PDCD6IP: variants seen among roughly 807,000 people sequenced by gnomAD.
The protein encoded by PDCD6IP is programmed cell death 6-interacting protein.
PDCD6IP carries 43 observed loss-of-function variants against 103.7 expected under a neutral mutation model. The observed-to-expected ratio is 0.41, with a 90% CI of 0.32 to 0.53. PDCD6IP has a LOEUF of 0.53. Among genes scored for constraint, PDCD6IP ranks in the 20% least tolerant of loss-of-function variants. The pLI is 0.16. For synonymous variants in PDCD6IP, 354 were observed against 378.7 expected (o/e 0.93, Z 0.76); for missense variants, 871 against 1,036.7 (o/e 0.84, Z 2.20).
Position 33,798,766 on chromosome 3 carries a change from C to T in PDCD6IP, c.38C>T (p.Ser13Leu). Residue 13 changes from serine (S) to leucine (L), a missense_variant, in exon 1 of 18, where the codon TCA becomes TTA. Transcript: ENST00000307296. ...ATCTCGGTGCAGCTGAAAAAGACCT[C>T]AGAGGTGGACCTGGCCAAGCCGCTG... ...TFISVQLKKT[S>L]EVDLAKPLVK... 6.3e-7 allele frequency: 1 copy of T among 1,575,132 alleles called. No individual in the cohort carries two copies. Among genetic ancestry groups the T allele is most frequent in the Non-Finnish European group, 8.6e-7 (1 of 1,161,180 alleles).
chr3:33,803,179 A>C lies in PDCD6IP; in HGVS notation c.209+4242A>C, dbSNP rs141430341. ...GGGGAGCAAAGAAGGATGTTTATTC[A>C]GATTTATTTGTTTAACTGTAAGAGG... On this transcript the variant is annotated intron_variant, in intron 1 of 17. Coordinates refer to ENST00000307296, the MANE Select transcript of PDCD6IP (RefSeq NM_013374.6). Among the ~76,000 whole-genome samples, 11 of 152,200 alleles carry C rather than the reference A, an allele frequency of 7.2e-5. No homozygotes were observed. In the East Asian group the frequency reaches 2.1e-3, roughly 29 times the overall value.
At chr3:33,801,094 T>C (rs975687957) in intron 1 of PDCD6IP, among the ~76,000 whole-genome samples, 8 of 152,174 alleles carry the variant, frequency 5.3e-5, no homozygotes, top group Admixed American at 3.9e-4. Context: ...GTATTTTCAC[T>C]TTTTGGGCTT....
chr3:33,844,209 A>G lies in PDCD6IP; in HGVS notation c.1457A>G (p.Lys486Arg). ...WQRTPSNELY[K>R]PLRAEGTNFR... ...AGGACACCATCCAATGAACTGTATAAGCCTTTAAGAGCAGGTAAAAATGTG... is the reference window on the plus strand; with the variant it reads ...AGGACACCATCCAATGAACTGTATAGGCCTTTAAGAGCAGGTAAAAATGTG... The change falls in exon 11 of 18, where the codon AAG (lysine) becomes AGG (arginine). Residue 486 changes from lysine (K) to arginine (R), a missense_variant. Physicochemically the swap from Lys to Arg is conservative, Grantham distance 26. Transcript: ENST00000307296. The G allele has an allele frequency of 6.5e-7, 1 of 1,548,098 alleles. No individual in the cohort carries two copies. The highest frequency in any genetic ancestry group is 8.7e-7 in the Non-Finnish European group (1 of 1,153,738).
intron 3 of PDCD6IP, among the ~76,000 whole-genome samples, chr3:33,821,029 C>G (rs945646438): frequency 2.0e-5 from 3 of 152,064 alleles, no homozygotes; most frequent in Admixed American, 6.6e-5. Context: ...TATTTTGAGA[C>G]AGGGTCTTGC....
At chr3:33,832,262 T>C (rs1697260610) in intron 7 of PDCD6IP, among the ~76,000 whole-genome samples, 1 of 152,146 alleles carries the variant, frequency 6.6e-6, no homozygotes. Context: ...TGGTGTCTCT[T>C]CTTGTACGGG....
chr3:33,816,245 G>T (rs955348028), intron 3 of PDCD6IP, among the ~76,000 whole-genome samples: 2 of 152,126 alleles, frequency 1.3e-5, no homozygotes, highest in African/African-American at 4.8e-5. Context: ...GGTGGCTCAC[G>T]CCTGTAATCC....
Position 33,868,957 on chromosome 3 carries a change from T to G in PDCD6IP, c.*2432T>G, listed in dbSNP as rs1470894623. Reference sequence around the variant, plus strand: ...CTTTATTCTCAATTAAGAAAAACAGTCACATGTCACGACAAACCAATCAAT... The same window carrying G: ...CTTTATTCTCAATTAAGAAAAACAGGCACATGTCACGACAAACCAATCAAT... On this transcript the variant is annotated 3_prime_UTR_variant, in exon 18 of 18. Coordinates refer to ENST00000307296, the MANE Select transcript of PDCD6IP (RefSeq NM_013374.6). 6.6e-6 allele frequency: 1 copy of G among 152,140 alleles called. No homozygotes were observed. The highest frequency in any genetic ancestry group is 1.5e-5 in the Non-Finnish European group (1 of 68,026). The allele number at this position is 152,140 out of a possible 1,614,324, so 9.4% of individuals were successfully genotyped here. A position where few individuals can be genotyped will look rare whatever the true frequency, so the allele number is the denominator to read the frequency against.
At chr3:33,815,173 A>T (rs1239266091) in intron 3 of PDCD6IP, among the ~76,000 whole-genome samples, 1 of 150,042 alleles carries the variant, frequency 6.7e-6, no homozygotes, top group Admixed American at 6.7e-5. Flanking sequence ...TTTATAGTAG[A>T]TATTATATAT....
intron 7 of PDCD6IP, among the ~76,000 whole-genome samples, chr3:33,829,844 A>G (rs1008396819): frequency 6.6e-5 from 10 of 152,184 alleles, no homozygotes; most frequent in African/African-American, 2.4e-4. Context: ...GAGAAGTCGA[A>G]TATCAAGGTG....
At chr3:33,850,307 A>T (rs532410595) in intron 12 of PDCD6IP, among the ~76,000 whole-genome samples, 1 of 152,066 alleles carries the variant, frequency 6.6e-6, no homozygotes, top group East Asian at 1.9e-4. Context: ...TTATGTAATT[A>T]CGTTTCACTT....
In PDCD6IP at chr3:33,836,076, T is replaced by G; in HGVS notation, c.867T>G (p.Ser289=). Reference sequence around the variant, plus strand: ...CAGAACTGATTAAAACAGTGGCATCTCGCTATGATGAATATGTTAATGTGA... The same window carrying G: ...CAGAACTGATTAAAACAGTGGCATCGCGCTATGATGAATATGTTAATGTGA... ...HAAELIKTVA[S]RYDEYVNVKD... is the part of the protein sequence containing the mutation. The change falls in exon 8 of 18, where the codon TCT becomes TCG. Residue 289 remains serine (S), a synonymous_variant. Transcript: ENST00000307296. 6.2e-7 allele frequency: 1 copy of G among 1,610,864 alleles called. No homozygotes were observed. The highest frequency in any genetic ancestry group is 1.1e-5 in the South Asian group (1 of 91,010).
intron 10 of PDCD6IP, among the ~76,000 whole-genome samples, chr3:33,842,600 T>G (rs1353931928): frequency 1.3e-5 from 2 of 152,064 alleles, no homozygotes; most frequent in African/African-American, 4.8e-5. Context: ...GCTTGTTTTC[T>G]CTTGTGTTCA....
At position 33,866,772 on chromosome 3, in the gene PDCD6IP, A is replaced by G. The variant is rs1698075444; in HGVS notation, c.*247A>G. The G allele has an allele frequency of 2.8e-6, 1 of 351,242 alleles. No homozygotes were observed. Among genetic ancestry groups the G allele is most frequent in the Non-Finnish European group, 5.1e-6 (1 of 196,762 alleles). 21.8% of individuals were successfully genotyped at this position (351,242 alleles called of 1,614,324 possible). On this transcript the variant is annotated 3_prime_UTR_variant, in exon 18 of 18. Transcript: ENST00000307296. ...ATTTGAAATTGCATTACAGTTCATA[A>G]AAATTGAAAATGAGAAATTAAACCT...
chr3:33,845,050 T>C (rs551758693), intron 11 of PDCD6IP, among the ~76,000 whole-genome samples: 3 of 152,112 alleles, frequency 2.0e-5, no homozygotes, highest in Non-Finnish European at 4.4e-5. Flanking sequence ...TTTTTTTTTT[T>C]AAGTCACATT....
rs545709475 is a variant in PDCD6IP at position 33,809,584 on chromosome 3, C to G, written c.210-2488C>G. Among the ~76,000 whole-genome samples the G allele has an allele frequency of 4.3e-4, 65 of 152,280 alleles. 1 individual carries two copies. The highest frequency in any genetic ancestry group is 3.4e-3 in the Middle Eastern group (1 of 294). ...TATTTCCTGAGTACAAAGATATTCT[C>G]CTGTATAACCATAGTACAACTTTCA... On this transcript the variant is annotated intron_variant, in intron 1 of 17. Transcript: ENST00000307296.
At chr3:33,822,850 G>A (rs1359268264) in intron 4 of PDCD6IP, among the ~76,000 whole-genome samples, 1 of 151,886 alleles carries the variant, frequency 6.6e-6, no homozygotes. Context: ...GTAGAGATGG[G>A]GTTTCACTGT....
chr3:33,860,171 T>G (rs1697921126), intron 15 of PDCD6IP, among the ~76,000 whole-genome samples: 5 of 152,204 alleles, frequency 3.3e-5, no homozygotes, highest in Admixed American at 3.3e-4. Flanking sequence ...ATATCGTCAT[T>G]TAAAATATTT....
intron 7 of PDCD6IP, among the ~76,000 whole-genome samples, chr3:33,833,434 A>G (rs2125561162): frequency 6.6e-6 from 1 of 152,006 alleles, no homozygotes; most frequent in East Asian, 1.9e-4. Context: ...CTTGTTCTGT[A>G]TGTTTTTTAC....
At chr3:33,855,315 A>T in intron 15 of PDCD6IP, 55 bp downstream of exon 15, 1 of 1,107,906 alleles carries the variant, frequency 9.0e-7, no homozygotes, top group South Asian at 1.3e-5. Flanking sequence ...TTAAAAAATC[A>T]TGTAGAGACT....
Sources: allele counts gnomAD v4.1 joint callset (sites outside exome capture counted in the v4.1 genomes callset), GRCh38; gene constraint gnomAD v4.1.1; transcripts MANE v1.5; gene names NCBI Gene and HGNC (gene_info 2026-07-23, HGNC 2026-07-21).